MEIKIN: variants seen among roughly 807,000 people sequenced by gnomAD.
MEIKIN encodes meiotic kinetochore factor.
At chr5:131,827,460 T>C (rs1348005260) in intron 11 of MEIKIN, among the ~76,000 whole-genome samples, 2 of 152,042 alleles carry the variant, frequency 1.3e-5, no homozygotes, top group Non-Finnish European at 1.5e-5. Flanking sequence ...CTTGTCAGAC[T>C]GGAAAGCTAT....
At chr5:131,867,323 T>C (rs776086435) in intron 9 of MEIKIN, among the ~76,000 whole-genome samples, 6 of 152,178 alleles carry the variant, frequency 3.9e-5, no homozygotes, top group Non-Finnish European at 7.4e-5. Context: ...CAACATCCTA[T>C]ACAATAGTGG....
intron 11 of MEIKIN, among the ~76,000 whole-genome samples, chr5:131,829,548 G>T (rs1232077070): frequency 1.3e-5 from 2 of 152,116 alleles, no homozygotes; most frequent in African/African-American, 2.4e-5. Flanking sequence ...TGAATCTGAA[G>T]ATCTAGAGAG....
chr5:131,923,112 T>G (rs1246903642), intron 5 of MEIKIN, among the ~76,000 whole-genome samples: 3 of 152,216 alleles, frequency 2.0e-5, no homozygotes, highest in Admixed American at 6.5e-5. Flanking sequence ...TGTCTCAAAC[T>G]CCTGACCTCA....
intron 7 of MEIKIN, among the ~76,000 whole-genome samples, chr5:131,916,100 T>A (rs1243829677): frequency 6.6e-6 from 1 of 152,206 alleles, no homozygotes. Context: ...GTCTAGTAGA[T>A]AATAGGCACT....
At chr5:131,872,957 T>C (rs1351484874) in intron 9 of MEIKIN, among the ~76,000 whole-genome samples, 1 of 152,174 alleles carries the variant, frequency 6.6e-6, no homozygotes, top group Non-Finnish European at 1.5e-5. Flanking sequence ...CTGAGAGATG[T>C]TGTCACCACC....
intron 9 of MEIKIN, among the ~76,000 whole-genome samples, chr5:131,875,046 G>A (rs1750586815): frequency 6.6e-6 from 1 of 152,140 alleles, no homozygotes. Flanking sequence ...CATACTGAAT[G>A]GCCAAAAACT....
At chr5:131,849,395 T>C in intron 11 of MEIKIN, among the ~76,000 whole-genome samples, 1 of 141,018 alleles carries the variant, frequency 7.1e-6, no homozygotes, top group South Asian at 2.4e-4. Flanking sequence ...ACCTCTTTTC[T>C]TTATATATAT....
At chr5:131,895,660 T>C (rs1052131086) in intron 8 of MEIKIN, among the ~76,000 whole-genome samples, 1 of 152,244 alleles carries the variant, frequency 6.6e-6, no homozygotes, top group Non-Finnish European at 1.5e-5. Context: ...TTATAGATTT[T>C]CTAGTTTATT....
chr5:131,867,789 C>A (rs1187100724), intron 9 of MEIKIN, among the ~76,000 whole-genome samples: 1 of 152,156 alleles, frequency 6.6e-6, no homozygotes, highest in Non-Finnish European at 1.5e-5. Context: ...AGAACATTTT[C>A]GTTGCTTCCA....
intron 9 of MEIKIN, among the ~76,000 whole-genome samples, chr5:131,872,244 C>T (rs1750517980): frequency 1.7e-5 from 1 of 60,072 alleles, no homozygotes; most frequent in African/African-American, 6.8e-5. Context: ...AAGTTAAAAA[C>T]TTCGAAAAAA....
intron 11 of MEIKIN, among the ~76,000 whole-genome samples, chr5:131,843,913 C>T (rs996697981): frequency 1.3e-5 from 2 of 152,138 alleles, no homozygotes; most frequent in African/African-American, 4.8e-5. Flanking sequence ...TCTCACATTG[C>T]TATAAATAAC....
intron 9 of MEIKIN, among the ~76,000 whole-genome samples, chr5:131,868,888 A>C (rs1195961024): frequency 3.3e-5 from 5 of 152,176 alleles, no homozygotes; most frequent in Non-Finnish European, 7.3e-5. Flanking sequence ...ATCTTTTATC[A>C]GATATGTCTT....
intron 8 of MEIKIN, among the ~76,000 whole-genome samples, chr5:131,891,573 G>C (rs1362606955): frequency 6.6e-6 from 1 of 152,120 alleles, no homozygotes; most frequent in South Asian, 2.1e-4. Flanking sequence ...TTGCTTGGTA[G>C]ATCTTCCTCC....
At chr5:131,813,966 G>A (rs1465081329) in intron 12 of MEIKIN, among the ~76,000 whole-genome samples, 4 of 152,256 alleles carry the variant, frequency 2.6e-5, no homozygotes, top group South Asian at 2.1e-4. Context: ...CTTGGAGTTC[G>A]ATGTTAGAGG....
rs1012287475 is a variant in MEIKIN at position 131,945,491 on chromosome 5, C to T, written c.15G>A (p.Arg5=). The T allele has an allele frequency of 7.5e-6, 3 of 399,680 alleles. No individual in the cohort carries two copies. Among genetic ancestry groups the T allele is most frequent in the Non-Finnish European group, 1.3e-5 (3 of 226,160 alleles). 24.8% of individuals were successfully genotyped at this position (399,680 alleles called of 1,614,324 possible). A position where few individuals can be genotyped will look rare whatever the true frequency, so the allele number is the denominator to read the frequency against. ...CCTCCCGCTTTTTGCGGGTATAGAC[C>T]CGTAGCGGCCACATTGCTATCCCAC... MWPL[R]VYTRKKREGQ... is the part of the protein sequence containing the mutation. The change falls in exon 1 of 13, where the codon CGG becomes CGA. Residue 5 remains arginine (R), a synonymous_variant. Transcript: ENST00000442687.
chr5:131,839,713 C>T (rs1471380405), intron 11 of MEIKIN, among the ~76,000 whole-genome samples: 1 of 152,154 alleles, frequency 6.6e-6, no homozygotes, highest in Non-Finnish European at 1.5e-5. Context: ...AGATTTTCCT[C>T]GATCCCTTTG....
chr5:131,890,400 G>A (rs1240032732), intron 8 of MEIKIN, among the ~76,000 whole-genome samples: 1 of 152,174 alleles, frequency 6.6e-6, no homozygotes, highest in Non-Finnish European at 1.5e-5. Context: ...TCTACTCAGA[G>A]ATTCAACTTC....
At chr5:131,935,472 T>C (rs1041261305) in intron 4 of MEIKIN, among the ~76,000 whole-genome samples, 6 of 152,066 alleles carry the variant, frequency 3.9e-5, no homozygotes, top group Non-Finnish European at 8.8e-5. Flanking sequence ...TGACAGAACA[T>C]AGTACTAAAA....
intron 8 of MEIKIN, among the ~76,000 whole-genome samples, chr5:131,906,729 T>C (rs1002610748): frequency 6.6e-6 from 1 of 152,012 alleles, no homozygotes; most frequent in Non-Finnish European, 1.5e-5. Flanking sequence ...CGCAGATAAA[T>C]CTGGAGGCCA....
Sources: allele counts gnomAD v4.1 joint callset (sites outside exome capture counted in the v4.1 genomes callset), GRCh38; gene constraint gnomAD v4.1.1; transcripts MANE v1.5; gene names NCBI Gene and HGNC (gene_info 2026-07-23, HGNC 2026-07-21).